PCBP3: variants seen among roughly 807,000 people sequenced by gnomAD.
PCBP3 encodes the protein poly(rC) binding protein 3.
A neutral mutation model predicts 52.7 loss-of-function variants in PCBP3; 25 were observed. That is an observed-to-expected ratio of 0.47 (90% CI 0.35 to 0.66). PCBP3 has a LOEUF of 0.66. Ranked by LOEUF, PCBP3 falls within the 30% of genes least tolerant of loss-of-function variation. The pLI is 0.01. For missense variants in PCBP3, 391 were observed against 490.3 expected (o/e 0.80, Z 1.91); for synonymous variants, 162 against 183.0 (o/e 0.89, Z 0.93).
At chr21:45,799,719 G>A (rs1310459078) in intron 4 of PCBP3, among the ~76,000 whole-genome samples, 1 of 152,092 alleles carries the variant, frequency 6.6e-6, no homozygotes, top group Non-Finnish European at 1.5e-5. Flanking sequence ...GGCCAGGCAC[G>A]CGTCCACGGC....
intron 5 of PCBP3, chr21:45,871,728 C>T (rs2095032460): frequency 6.6e-6 from 1 of 152,330 alleles, no homozygotes; most frequent in Non-Finnish European, 1.5e-5. Context: ...CACGATCTTT[C>T]TGGTGCCGCG....
intron 4 of PCBP3, among the ~76,000 whole-genome samples, chr21:45,840,252 A>C (rs1253481775): frequency 6.6e-6 from 1 of 151,596 alleles, no homozygotes; most frequent in Non-Finnish European, 1.5e-5. Flanking sequence ...GGAGATCAAG[A>C]CCATCGTGGC....
At chr21:45,897,772 T>C (rs1340249257) in intron 6 of PCBP3, among the ~76,000 whole-genome samples, 4 of 152,082 alleles carry the variant, frequency 2.6e-5, no homozygotes, top group African/African-American at 4.8e-5. Flanking sequence ...CTGTGGGTCC[T>C]GGGCTGCTGT....
At chr21:45,898,595 A>C (rs1348974138) in intron 6 of PCBP3, among the ~76,000 whole-genome samples, 2 of 56,882 alleles carry the variant, frequency 3.5e-5, no homozygotes, top group African/African-American at 9.3e-5. Context: ...CTCTCCCTCC[A>C]CGGGCCCCTC....
At chr21:45,868,411 C>CTTTTTTTTTTT (rs1232045625) in intron 5 of PCBP3, among the ~76,000 whole-genome samples, 1 of 113,680 alleles carries the variant, frequency 8.8e-6, no homozygotes, top group Non-Finnish European at 1.8e-5. Flanking sequence ...CTTATTTGTT[C>CTTTTTTTTTTT]TTTTTTTTTT....
At chr21:45,778,619 G>A (rs1210817614) in intron 4 of PCBP3, among the ~76,000 whole-genome samples, 1 of 152,204 alleles carries the variant, frequency 6.6e-6, no homozygotes, top group East Asian at 1.9e-4. Flanking sequence ...TGCCAGCTGA[G>A]GTGATAGCAG....
chr21:45,779,451 G>A (rs752976594), intron 4 of PCBP3, among the ~76,000 whole-genome samples: 2 of 151,988 alleles, frequency 1.3e-5, no homozygotes, highest in African/African-American at 4.8e-5. Context: ...TCCTTAACTC[G>A]CTTTTGGTAT....
chr21:45,801,647 C>T (rs566581525), intron 4 of PCBP3, among the ~76,000 whole-genome samples: 23 of 152,222 alleles, frequency 1.5e-4, no homozygotes, highest in African/African-American at 5.5e-4. Flanking sequence ...ATACTTGATT[C>T]AGTAGATCCT....
chr21:45,862,200 C>A (rs900493847), intron 5 of PCBP3, among the ~76,000 whole-genome samples: 2 of 150,978 alleles, frequency 1.3e-5, no homozygotes, highest in African/African-American at 2.4e-5. Flanking sequence ...TGGGGGGACA[C>A]GTACATTTAA....
intron 4 of PCBP3, among the ~76,000 whole-genome samples, chr21:45,772,434 A>C (rs188493728): frequency 6.6e-6 from 1 of 152,160 alleles, no homozygotes; most frequent in Admixed American, 6.6e-5. Flanking sequence ...CTTTGTGTAT[A>C]TATACTACAT....
rs1042115915 is a variant in PCBP3 at position 45,665,280 on chromosome 21, T to C, written c.-278-3594T>C. 4.6e-5 allele frequency among the ~76,000 whole-genome samples: 7 copies of C among 152,002 alleles called. No homozygotes were observed. In the East Asian group the frequency reaches 1.4e-3, roughly 29 times the overall value. On this transcript the variant is annotated intron_variant, in intron 1 of 17. Coordinates refer to ENST00000681687, the MANE Select transcript of PCBP3 (RefSeq NM_001384156.1). The stretch of plus-strand genomic sequence containing the variant: ...AAAATTAGACAGGCATGGTGGTACA[T>C]GCCTGTAGTCCTAGCTCCTTGGGGG...
chr21:45,901,825 A>G (rs2096065358), intron 9 of PCBP3, among the ~76,000 whole-genome samples: 1 of 152,194 alleles, frequency 6.6e-6, no homozygotes, highest in Non-Finnish European at 1.5e-5. Flanking sequence ...TGAAATTTTA[A>G]TGTCTTTATG....
intron 5 of PCBP3, among the ~76,000 whole-genome samples, chr21:45,860,104 TG>T (rs2094455001): frequency 6.6e-6 from 1 of 152,090 alleles, no homozygotes; most frequent in African/African-American, 2.4e-5. Context: ...TGGACTTCAG[TG>T]GGTAACCGAA....
chr21:45,801,892 C>T (rs1279865754), intron 4 of PCBP3, among the ~76,000 whole-genome samples: 2 of 152,230 alleles, frequency 1.3e-5, no homozygotes, highest in African/African-American at 4.8e-5. Flanking sequence ...CCATGATCTA[C>T]TCAGTTTAAT....
intron 5 of PCBP3, among the ~76,000 whole-genome samples, chr21:45,863,658 C>G (rs1468088298): frequency 6.6e-6 from 1 of 152,220 alleles, no homozygotes; most frequent in Non-Finnish European, 1.5e-5. Context: ...TCCTTTTTCT[C>G]CGGTAGCATC....
Position 45,893,219 on chromosome 21 carries a change from C to T in PCBP3, c.11-2989C>T, listed in dbSNP as rs2095724600. Among the ~76,000 whole-genome samples the T allele has an allele frequency of 2.1e-5, 3 of 145,634 alleles. No individual in the cohort carries two copies. The South Asian group carries it at 6.5e-4, about 31-fold the overall frequency. On this transcript the variant is annotated intron_variant, in intron 5 of 17. Transcript: ENST00000681687. ...ATGGGATGTGGAGAGTTGTCTTGAGCAGGGAGGGAGTGGGGAGGAGGGAGG... is the reference window on the plus strand; with the variant it reads ...ATGGGATGTGGAGAGTTGTCTTGAGTAGGGAGGGAGTGGGGAGGAGGGAGG...
chr21:45,693,180 A>G (rs1456673948), intron 2 of PCBP3, among the ~76,000 whole-genome samples: 2 of 152,078 alleles, frequency 1.3e-5, no homozygotes, highest in Non-Finnish European at 2.9e-5. Flanking sequence ...CTAACTTCAT[A>G]CTCAAAGGTG....
At chr21:45,665,003 C>G (rs1048668868) in intron 1 of PCBP3, among the ~76,000 whole-genome samples, 7 of 151,776 alleles carry the variant, frequency 4.6e-5, no homozygotes, top group Non-Finnish European at 8.8e-5. Context: ...AATCTTTCAC[C>G]TTCATGGTTA....
chr21:45,896,058 C>A (rs2095817575), intron 5 of PCBP3, 150 bp from the exon 6 acceptor site: 2 of 685,996 alleles, frequency 2.9e-6, no homozygotes, highest in East Asian at 2.7e-5. Context: ...ACCCTGTGCC[C>A]AGCAGGCGAG....
Sources: gnomAD v4.1 joint callset for allele counts (sites outside exome capture counted in the v4.1 genomes callset) on GRCh38, gnomAD v4.1.1 for gene constraint, MANE v1.5 for transcripts, NCBI Gene and HGNC (gene_info 2026-07-23, HGNC 2026-07-21) for gene names.